ABTB2: variants seen among roughly 807,000 people sequenced by gnomAD.
The protein encoded by ABTB2 is ankyrin repeat and BTB/POZ domain-containing protein 2.
In ABTB2, 56 loss-of-function variants were observed where a neutral mutation model predicts 104.1. The ratio of observed to expected loss-of-function variants is 0.54; its 90% CI spans 0.43 to 0.67. The LOEUF (loss-of-function observed/expected upper bound fraction) is 0.67, where lower values mean the gene tolerates loss of function less well. ABTB2 is among the 30% of genes least tolerant of loss of function. ABTB2 has a pLI of 0.00. For missense variants in ABTB2, 1,279 were observed against 1,407.7 expected, an observed-to-expected ratio of 0.91 and a Z score of 1.46; for synonymous variants, 606 against 608.2, an observed-to-expected ratio of 1.00 and a Z score of 0.05.
At chr11:34,277,479 T>TAA (rs201314445) in intron 1 of ABTB2, among the ~76,000 whole-genome samples, 8 of 144,016 alleles carry the variant, frequency 5.6e-5, no homozygotes, top group African/African-American at 2.0e-4. Context: ...ATGTCTTATT[T>TAA]AAAAAAAAAA....
In ABTB2 at chr11:34,205,652, T is replaced by C. The variant is rs148099659; in HGVS notation, c.884-962A>G. On this transcript the variant is annotated intron_variant, in intron 1 of 16. Transcript: ENST00000435224. ...AAATACCCACAGGAATTTAATCACTTTGGAGAAAATCTCTGAAAATTCCTA... is the reference window on the plus strand; with the variant it reads ...AAATACCCACAGGAATTTAATCACTCTGGAGAAAATCTCTGAAAATTCCTA... 2.6e-3 allele frequency among the ~76,000 whole-genome samples: 396 copies of C among 152,242 alleles called. 1 individual carries two copies. Among genetic ancestry groups the C allele is most frequent in the Middle Eastern group, 6.8e-3 (2 of 294 alleles).
At position 34,160,907 on chromosome 11, in the gene ABTB2, C is replaced by T; in HGVS notation, c.2393G>A (p.Ser798Asn). The change falls in exon 11 of 17, where the codon AGC becomes AAC. Residue 798 changes from serine to asparagine, a missense_variant. Ser to Asn is a conservative substitution (Grantham distance 46). Transcript: ENST00000435224. ...LQLMFDILKT[S>N]KNDSVIQQLA... The stretch of plus-strand genomic sequence containing the variant: ...CTGGCCACTGGCCACACTTACTTTG[C>T]TGGTCTTGAGGATGTCGAACATGAG... The T allele has an allele frequency of 6.2e-7, 1 of 1,601,636 alleles. No homozygotes were observed. Among genetic ancestry groups the T allele is most frequent in the Non-Finnish European group, 8.5e-7 (1 of 1,172,720 alleles).
intron 1 of ABTB2, among the ~76,000 whole-genome samples, chr11:34,281,896 G>A (rs1854452339): frequency 6.7e-6 from 1 of 149,776 alleles, no homozygotes; most frequent in Non-Finnish European, 1.5e-5. Flanking sequence ...TCACAGCAGT[G>A]CTGATATAAC....
At chr11:34,273,598 C>G (rs1339874393) in intron 1 of ABTB2, among the ~76,000 whole-genome samples, 1 of 152,146 alleles carries the variant, frequency 6.6e-6, no homozygotes, top group Non-Finnish European at 1.5e-5. Context: ...CTGAGTAACA[C>G]TGGCAGACCT....
intron 1 of ABTB2, among the ~76,000 whole-genome samples, chr11:34,239,095 A>T (rs1853881662): frequency 6.6e-6 from 1 of 152,096 alleles, no homozygotes; most frequent in Non-Finnish European, 1.5e-5. Context: ...TCCCTGCTGG[A>T]TTAGAAGCTC....
intron 11 of ABTB2, 93 bp downstream of exon 11, chr11:34,160,810 G>A: frequency 1.4e-6 from 2 of 1,381,244 alleles, no homozygotes; most frequent in Non-Finnish European, 2.0e-6. Flanking sequence ...GGGTCCCTGT[G>A]TCTGTCCACG....
intron 1 of ABTB2, among the ~76,000 whole-genome samples, chr11:34,208,886 GC>G (rs113372996): frequency 8.6e-4 from 131 of 151,620 alleles, no homozygotes; most frequent in African/African-American, 3.0e-3. Flanking sequence ...ATCTTCCCCT[GC>G]CCCCCTGGAC....
chr11:34,266,788 C>A (rs1188430404), intron 1 of ABTB2, among the ~76,000 whole-genome samples: 1 of 152,092 alleles, frequency 6.6e-6, no homozygotes, highest in Non-Finnish European at 1.5e-5. Flanking sequence ...CCCCCTGTGC[C>A]CTCTGTAGAC....
At chr11:34,319,759 C>G (rs1469849346) in intron 1 of ABTB2, among the ~76,000 whole-genome samples, 1 of 152,204 alleles carries the variant, frequency 6.6e-6, no homozygotes, top group Non-Finnish European at 1.5e-5. Context: ...ACCTCTGCCT[C>G]CCAGGTTCAA....
chr11:34,281,533 T>G (rs1564922682), intron 1 of ABTB2, among the ~76,000 whole-genome samples: 1 of 152,326 alleles, frequency 6.6e-6, no homozygotes, highest in East Asian at 1.9e-4. Context: ...GTGCCAACCA[T>G]GCTCTGAAAT....
chr11:34,259,628 G>A (rs953499376), intron 1 of ABTB2, among the ~76,000 whole-genome samples: 6 of 152,064 alleles, frequency 3.9e-5, no homozygotes, highest in African/African-American at 1.4e-4. Context: ...CTCCCTTTCA[G>A]CAGCTGGGAT....
intron 1 of ABTB2, among the ~76,000 whole-genome samples, chr11:34,231,060 C>T (rs747812142): frequency 3.3e-5 from 5 of 151,976 alleles, no homozygotes; most frequent in South Asian, 4.2e-4. Flanking sequence ...AGAGCTCCTT[C>T]GAGAAATTGA....
intron 3 of ABTB2, among the ~76,000 whole-genome samples, chr11:34,180,482 A>G (rs529817958): frequency 1.3e-5 from 2 of 152,346 alleles, no homozygotes; most frequent in Admixed American, 1.3e-4. Context: ...AAATACCGTC[A>G]TATGCATACA....
intron 1 of ABTB2, among the ~76,000 whole-genome samples, chr11:34,308,868 C>CAAAAAAAAAAAAAAAAAAAAAAAAAAA (rs57658114): frequency 1.7e-4 from 13 of 77,764 alleles, no homozygotes; most frequent in South Asian, 5.7e-4. Context: ...GAAACTGTCT[C>CAAAAAAAAAAAAAAAAAAAAAAAAAAA]AAAAAAAAAA....
chr11:34,287,628 ACTT>A (rs1320401810), intron 1 of ABTB2, among the ~76,000 whole-genome samples: 1 of 152,218 alleles, frequency 6.6e-6, no homozygotes, highest in African/African-American at 2.4e-5. Context: ...AAATAGACCT[ACTT>A]CTTCAGAAAT....
intron 3 of ABTB2, among the ~76,000 whole-genome samples, chr11:34,188,675 G>T (rs1163064861): frequency 6.6e-6 from 1 of 152,232 alleles, no homozygotes; most frequent in Non-Finnish European, 1.5e-5. Context: ...AAATCTTCTT[G>T]AAATGGTATT....
At chr11:34,210,826 C>A (rs1308543531) in intron 1 of ABTB2, among the ~76,000 whole-genome samples, 1 of 152,230 alleles carries the variant, frequency 6.6e-6, no homozygotes, top group African/African-American at 2.4e-5. Flanking sequence ...CTTCTGCCAG[C>A]CTTCTTAGGT....
intron 1 of ABTB2, among the ~76,000 whole-genome samples, chr11:34,235,832 CTCTT>C (rs1462062304): frequency 6.6e-6 from 1 of 152,228 alleles, no homozygotes; most frequent in Non-Finnish European, 1.5e-5. Context: ...TAAGTGAACA[CTCTT>C]TGTGCCCCAG....
In ABTB2 at chr11:34,160,897, A is replaced by G. The variant is rs1185692454; in HGVS notation, c.2397+6T>C. The G allele has an allele frequency of 5.6e-6, 9 of 1,597,344 alleles. No individual in the cohort carries two copies. The South Asian group carries it at 1.0e-4, about 18-fold the overall frequency. On this transcript the variant is annotated splice_donor_region_variant and intron_variant, in intron 11 of 16. Transcript: ENST00000435224. ...GGCTTGGGAACTGGCCACTGGCCAC[A>G]CTTACTTTGCTGGTCTTGAGGATGT...
Sources: gnomAD v4.1 joint callset for allele counts (sites outside exome capture counted in the v4.1 genomes callset) on GRCh38, gnomAD v4.1.1 for gene constraint, MANE v1.5 for transcripts, NCBI Gene and HGNC (gene_info 2026-07-23, HGNC 2026-07-21) for gene names.